Variants in PDZD8 observed in about 807,000 individuals in gnomAD.
PDZD8 encodes PDZ domain containing 8.
Under a neutral mutation model 85.8 loss-of-function variants are expected in PDZD8, and 14 were observed. The ratio of observed to expected loss-of-function variants is 0.16; its 90% CI spans 0.11 to 0.26. PDZD8 has a LOEUF of 0.26. Among genes scored for constraint, PDZD8 ranks in the 10% least tolerant of loss-of-function variants. PDZD8 has a pLI of 1.00. For synonymous variants in PDZD8, 592 were observed against 568.6 expected (o/e 1.04, Z -0.59); for missense variants, 1,197 against 1,424.3 (o/e 0.84, Z 2.57).
intron 1 of PDZD8, among the ~76,000 whole-genome samples, chr10:117,341,480 C>T (rs1206605131): frequency 3.9e-5 from 6 of 152,230 alleles, no homozygotes; most frequent in Non-Finnish European, 5.9e-5. Context: ...AATATACAGT[C>T]CCCTTGGCAT....
At chr10:117,303,616 GC>G (rs1484046385) in intron 3 of PDZD8, among the ~76,000 whole-genome samples, 1 of 152,212 alleles carries the variant, frequency 6.6e-6, no homozygotes, top group Non-Finnish European at 1.5e-5. Context: ...CTTCAAGGCA[GC>G]CCCTCCCATC....
At chr10:117,296,511 A>G (rs1004246176) in intron 3 of PDZD8, among the ~76,000 whole-genome samples, 3 of 152,078 alleles carry the variant, frequency 2.0e-5, no homozygotes, top group Non-Finnish European at 4.4e-5. Flanking sequence ...GAACAGCCAA[A>G]ACACTCCTTA....
At chr10:117,288,575 C>A (rs1844706583) in intron 4 of PDZD8, among the ~76,000 whole-genome samples, 2 of 152,226 alleles carry the variant, frequency 1.3e-5, no homozygotes, top group South Asian at 4.1e-4. Flanking sequence ...ATGGTATGAT[C>A]TCAGCTCACT....
intron 3 of PDZD8, chr10:117,314,346 A>G (rs1405400016): frequency 1.3e-5 from 2 of 152,188 alleles, no homozygotes; most frequent in African/African-American, 4.8e-5. Context: ...CTCAATTCAA[A>G]CAGAAAGAAA....
At position 117,336,229 on chromosome 10, in the gene PDZD8, T is replaced by C. The variant is rs191299588; in HGVS notation, c.995+4751A>G. 2.1e-3 allele frequency among the ~76,000 whole-genome samples: 326 copies of C among 152,326 alleles called. 1 individual carries two copies. Among genetic ancestry groups the C allele is most frequent in the Non-Finnish European group, 3.6e-3 (247 of 68,028 alleles). The stretch of plus-strand genomic sequence containing the variant: ...TGTGTATTTTCTACTTGTGGCATCA[T>C]GTCAGCACCGAAAAACACTCAGATT... On this transcript the variant is annotated intron_variant, in intron 2 of 4. Transcript: ENST00000334464.
intron 2 of PDZD8, among the ~76,000 whole-genome samples, chr10:117,329,390 C>T (rs1844376663): frequency 1.3e-5 from 2 of 152,098 alleles, no homozygotes; most frequent in South Asian, 4.1e-4. Flanking sequence ...TTGAAACCTT[C>T]CAGTAAGCAT....
intron 1 of PDZD8, among the ~76,000 whole-genome samples, chr10:117,357,766 C>CAAAAAAAAAAAAAAA (rs767138640): frequency 4.2e-5 from 2 of 47,436 alleles, no homozygotes; most frequent in Non-Finnish European, 7.5e-5. Flanking sequence ...ACTTCATCTC[C>CAAAAAAAAAAAAAAA]AAAAAAAAAA....
chr10:117,375,370 GGGCCGGCGCGCTGC>G lies in PDZD8; in HGVS notation c.-157_-144del. 1.9e-6 allele frequency: 1 copy of G among 522,710 alleles called. No homozygotes were observed. Among genetic ancestry groups the G allele is most frequent in the Non-Finnish European group, 2.9e-6 (1 of 344,880 alleles). The allele number at this position is 522,710 out of a possible 1,614,324, so 32.4% of individuals were successfully genotyped here. A position where few individuals can be genotyped will look rare whatever the true frequency, so the allele number is the denominator to read the frequency against. On this transcript the variant is annotated 5_prime_UTR_variant, in exon 1 of 5. Transcript: ENST00000334464. The stretch of plus-strand genomic sequence containing the variant: ...CTCCGTGGGCCTCGTCCAGGGGCTC[GGGCCGGCGCGCTGC>G]GGCGCCCGAGCCCGCAGCGGCCCGC...
At chr10:117,308,147 C>T (rs1056427989) in intron 3 of PDZD8, among the ~76,000 whole-genome samples, 8 of 152,008 alleles carry the variant, frequency 5.3e-5, no homozygotes, top group Admixed American at 5.2e-4. Context: ...AAATGCTTGT[C>T]CATATTTTAT....
At chr10:117,303,089 T>G (rs920930521) in intron 3 of PDZD8, among the ~76,000 whole-genome samples, 4 of 151,922 alleles carry the variant, frequency 2.6e-5, no homozygotes, top group Non-Finnish European at 5.9e-5. Flanking sequence ...GGCAGAGAGG[T>G]TGGAACAGTT....
chr10:117,334,548 A>C (rs1844482840), intron 2 of PDZD8, among the ~76,000 whole-genome samples: 1 of 152,166 alleles, frequency 6.6e-6, no homozygotes, highest in South Asian at 2.1e-4. Context: ...ATGTGCTCAG[A>C]TACTAGATTT....
chr10:117,366,691 T>C (rs1187470400), intron 1 of PDZD8, among the ~76,000 whole-genome samples: 7 of 152,184 alleles, frequency 4.6e-5, no homozygotes, highest in Non-Finnish European at 1.0e-4. Flanking sequence ...TAACAGCAGC[T>C]AGTTTGCAGA....
intron 3 of PDZD8, among the ~76,000 whole-genome samples, chr10:117,292,247 T>A (rs1048505395): frequency 1.3e-5 from 2 of 152,162 alleles, no homozygotes; most frequent in African/African-American, 4.8e-5. Flanking sequence ...TACCTAAAGG[T>A]TTACAAAACA....
At chr10:117,311,089 T>C (rs1844028626) in intron 3 of PDZD8, among the ~76,000 whole-genome samples, 1 of 152,182 alleles carries the variant, frequency 6.6e-6, no homozygotes, top group Non-Finnish European at 1.5e-5. Context: ...AAGTAAAATT[T>C]TAGATTATAC....
At chr10:117,347,031 T>C (rs910453691) in intron 1 of PDZD8, among the ~76,000 whole-genome samples, 1 of 152,004 alleles carries the variant, frequency 6.6e-6, no homozygotes, top group East Asian at 1.9e-4. Context: ...TTCTCTCTCT[T>C]TTCTTTTTCT....
At chr10:117,341,174 CT>C in intron 1 of PDZD8, 72 bp from the exon 2 acceptor site, 1 of 1,511,540 alleles carries the variant, frequency 6.6e-7, no homozygotes, top group Non-Finnish European at 9.1e-7. Flanking sequence ...CAAAACTCAC[CT>C]GTACAAAAAC....
intron 3 of PDZD8, among the ~76,000 whole-genome samples, chr10:117,316,413 C>T (rs1844129941): frequency 6.6e-6 from 1 of 152,122 alleles, no homozygotes; most frequent in South Asian, 2.1e-4. Flanking sequence ...CAGCTAGTCC[C>T]TTTAATCCCA....
intron 4 of PDZD8, among the ~76,000 whole-genome samples, chr10:117,287,720 ATC>A (rs1336767203): frequency 1.3e-5 from 2 of 152,162 alleles, no homozygotes; most frequent in African/African-American, 2.4e-5. Flanking sequence ...TTTAACTGCA[ATC>A]TCTCACTCAG....
chr10:117,352,210 T>C (rs11197959), intron 1 of PDZD8, among the ~76,000 whole-genome samples: 4,243 of 152,256 alleles, frequency 0.028, 221 homozygotes, highest in African/African-American at 0.099. Flanking sequence ...TTGCAAACAC[T>C]GGGATCTTTA....
Sources: allele counts gnomAD v4.1 joint callset (sites outside exome capture counted in the v4.1 genomes callset), GRCh38; gene constraint gnomAD v4.1.1; transcripts MANE v1.5; gene names NCBI Gene and HGNC (gene_info 2026-07-23, HGNC 2026-07-21).